The following TRPM3 variants were observed in gnomAD, a reference collection of about 807,000 sequenced individuals.
TRPM3 encodes transient receptor potential cation channel subfamily M member 3, also known as long transient receptor potential channel 3.
In TRPM3, 77 loss-of-function variants were observed where a neutral mutation model predicts 181.2. That is an observed-to-expected ratio of 0.42 (90% CI 0.35 to 0.51). TRPM3 has a LOEUF of 0.51. Among genes scored for constraint, TRPM3 ranks in the 20% least tolerant of loss-of-function variants. The pLI, the probability that TRPM3 is intolerant of heterozygous loss-of-function variation, is 0.01. For missense variants in TRPM3, 1,759 were observed against 2,196.7 expected, an observed-to-expected ratio of 0.80 and a Z score of 3.98; for synonymous variants, 745 against 796.4, an observed-to-expected ratio of 0.94 and a Z score of 1.09.
At chr9:70,603,141 C>T (rs1441927773) in intron 20 of TRPM3, among the ~76,000 whole-genome samples, 4 of 152,182 alleles carry the variant, frequency 2.6e-5, no homozygotes, top group African/African-American at 7.2e-5. Flanking sequence ...ATCCTAAGCA[C>T]TCAGGGAGTT....
At chr9:71,221,117 G>A (rs181661040) in intron 1 of TRPM3, among the ~76,000 whole-genome samples, 2 of 152,320 alleles carry the variant, frequency 1.3e-5, no homozygotes, top group East Asian at 3.9e-4. Flanking sequence ...GTCTGAGGGA[G>A]TTCTTCACCC....
At chr9:71,279,088 G>T (rs1386260698) in intron 1 of TRPM3, among the ~76,000 whole-genome samples, 1 of 141,982 alleles carries the variant, frequency 7.0e-6, no homozygotes, top group Non-Finnish European at 1.5e-5. Flanking sequence ...GACCATTTAT[G>T]CTCATTTCTT....
intron 6 of TRPM3, among the ~76,000 whole-genome samples, chr9:70,803,692 A>T (rs1752662): frequency 2.0e-5 from 3 of 151,728 alleles, no homozygotes; most frequent in African/African-American, 7.3e-5. Flanking sequence ...CCTCGTGATC[A>T]GTCCGTCTCG....
intron 20 of TRPM3, among the ~76,000 whole-genome samples, chr9:70,601,757 G>A (rs979189856): frequency 6.6e-6 from 1 of 152,190 alleles, no homozygotes; most frequent in African/African-American, 2.4e-5. Context: ...CCGTTTGGCA[G>A]CCTCTGCCAG....
chr9:70,804,530 A>G (rs1312596271), intron 6 of TRPM3, among the ~76,000 whole-genome samples: 1 of 152,140 alleles, frequency 6.6e-6, no homozygotes, highest in African/African-American at 2.4e-5. Flanking sequence ...CAAACTTACA[A>G]GGGTTAAAGA....
At chr9:71,355,673 G>A (rs2091867112) in intron 1 of TRPM3, among the ~76,000 whole-genome samples, 1 of 152,152 alleles carries the variant, frequency 6.6e-6, no homozygotes, top group Non-Finnish European at 1.5e-5. Context: ...GTAAAAGGAA[G>A]TACATGTATT....
intron 1 of TRPM3, among the ~76,000 whole-genome samples, chr9:71,128,799 A>G (rs982849342): frequency 2.6e-5 from 4 of 152,232 alleles, no homozygotes; most frequent in Admixed American, 2.0e-4. Context: ...TTCACTATTA[A>G]CAGTGCAGCT....
chr9:70,901,696 A>G (rs1422127235), intron 1 of TRPM3, among the ~76,000 whole-genome samples: 2 of 152,200 alleles, frequency 1.3e-5, no homozygotes, highest in South Asian at 2.1e-4. Flanking sequence ...TGAAAGATCA[A>G]TTGACTTTGA....
At chr9:70,783,782 A>G in intron 7 of TRPM3, 1 of 961,150 alleles carries the variant, frequency 1.0e-6, no homozygotes, top group South Asian at 4.3e-5. Context: ...GTTAAAACTC[A>G]ATTCCTGCTT....
intron 8 of TRPM3, among the ~76,000 whole-genome samples, chr9:70,752,570 A>C (rs1445225389): frequency 6.6e-6 from 1 of 152,048 alleles, no homozygotes; most frequent in African/African-American, 2.4e-5. Flanking sequence ...CATAGGCTGC[A>C]TAATGACGTT....
chr9:70,740,187 T>G (rs1330629297), intron 8 of TRPM3, among the ~76,000 whole-genome samples: 2 of 152,054 alleles, frequency 1.3e-5, no homozygotes, highest in African/African-American at 4.8e-5. Flanking sequence ...ACGACCAAGC[T>G]GAGAATAAAA....
At chr9:71,074,957 T>C (rs551334549) in intron 1 of TRPM3, among the ~76,000 whole-genome samples, 1 of 152,278 alleles carries the variant, frequency 6.6e-6, no homozygotes, top group East Asian at 1.9e-4. Context: ...ATTCAAATTA[T>C]GGAAATAATT....
chr9:70,751,999 AGTGT>A (rs71507124), intron 8 of TRPM3, among the ~76,000 whole-genome samples: 2,042 of 104,532 alleles, frequency 0.02, 31 homozygotes, highest in Middle Eastern at 0.04. Context: ...ACATCTCAAC[AGTGT>A]GTGTGTGTGT....
intron 1 of TRPM3, among the ~76,000 whole-genome samples, chr9:70,960,883 G>T (rs528595089): frequency 6.6e-6 from 1 of 152,230 alleles, no homozygotes; most frequent in Non-Finnish European, 1.5e-5. Context: ...AATGTTCAAT[G>T]ATTTTGTGCT....
chr9:71,344,581 GA>G (rs2091180092), intron 1 of TRPM3, among the ~76,000 whole-genome samples: 1 of 152,064 alleles, frequency 6.6e-6, no homozygotes, highest in East Asian at 1.9e-4. Context: ...TAGTTGCTAG[GA>G]AAAAATAATA....
intron 1 of TRPM3, among the ~76,000 whole-genome samples, chr9:70,920,345 A>G (rs1167008356): frequency 6.6e-6 from 1 of 152,200 alleles, no homozygotes; most frequent in Non-Finnish European, 1.5e-5. Context: ...TGGGTGGGTC[A>G]GTGCTTTGAA....
At chr9:70,607,544 C>A (rs570012049) in intron 19 of TRPM3, among the ~76,000 whole-genome samples, 1 of 152,136 alleles carries the variant, frequency 6.6e-6, no homozygotes, top group African/African-American at 2.4e-5. Context: ...CACCACCCCC[C>A]GCCAAAGAGG....
chr9:70,830,031 C>T (rs766741708), intron 5 of TRPM3, among the ~76,000 whole-genome samples: 1 of 152,180 alleles, frequency 6.6e-6, no homozygotes, highest in Non-Finnish European at 1.5e-5. Context: ...TTACTGTTCT[C>T]TCTTTTCTAG....
At chr9:71,241,846 A>C (rs1000662588) in intron 1 of TRPM3, among the ~76,000 whole-genome samples, 34 of 152,362 alleles carry the variant, frequency 2.2e-4, no homozygotes, top group Non-Finnish European at 4.3e-4. Flanking sequence ...TTTAAGAGAT[A>C]GACTAATGTA....
Sources: gnomAD v4.1 joint callset for allele counts (sites outside exome capture counted in the v4.1 genomes callset) on GRCh38, gnomAD v4.1.1 for gene constraint, MANE v1.5 for transcripts, NCBI Gene and HGNC (gene_info 2026-07-23, HGNC 2026-07-21) for gene names.